Variants in NRG1 observed in about 807,000 individuals in gnomAD.
NRG1 encodes pro-neuregulin-1, membrane-bound isoform.
Under a neutral mutation model 63.8 loss-of-function variants are expected in NRG1, and 18 were observed. That is an observed-to-expected ratio of 0.28 (90% CI 0.19 to 0.42). The LOEUF is 0.42. Among genes scored for constraint, NRG1 ranks in the 10% least tolerant of loss-of-function variants. The pLI is 1.00. For synonymous variants in NRG1, 302 were observed against 301.3 expected, an observed-to-expected ratio of 1.00 and a Z score of -0.02; for missense variants, 762 against 814.7, an observed-to-expected ratio of 0.94 and a Z score of 0.79.
At chr8:32,474,409 C>A (rs934217842) in intron 1 of NRG1, among the ~76,000 whole-genome samples, 1 of 152,052 alleles carries the variant, frequency 6.6e-6, no homozygotes, top group Non-Finnish European at 1.5e-5. Flanking sequence ...TACAGGCATG[C>A]AGATATTTCC....
chr8:32,274,603 C>T (rs1221134797), intron 1 of NRG1, among the ~76,000 whole-genome samples: 2 of 152,156 alleles, frequency 1.3e-5, no homozygotes, highest in East Asian at 1.9e-4. Context: ...AATGATTCTG[C>T]CTGCTACATC....
chr8:32,411,926 T>A (rs1262704510), intron 1 of NRG1, among the ~76,000 whole-genome samples: 1 of 152,206 alleles, frequency 6.6e-6, no homozygotes, highest in Non-Finnish European at 1.5e-5. Flanking sequence ...CGTACTCTGA[T>A]AGTCAGTGTT....
intron 1 of NRG1, among the ~76,000 whole-genome samples, chr8:32,509,583 G>C (rs1342601719): frequency 1.3e-5 from 2 of 152,102 alleles, no homozygotes; most frequent in Non-Finnish European, 2.9e-5. Context: ...TAAAGGAGAG[G>C]GGGAAGAGTC....
chr8:32,088,055 C>T (rs111950538), intron 1 of NRG1, among the ~76,000 whole-genome samples: 16 of 152,244 alleles, frequency 1.1e-4, no homozygotes, highest in East Asian at 3.9e-4. Context: ...AGGTCCTGTG[C>T]GAATACCATC....
At chr8:32,685,902 AT>A (rs1215434248) in intron 5 of NRG1, among the ~76,000 whole-genome samples, 1 of 152,216 alleles carries the variant, frequency 6.6e-6, no homozygotes, top group Non-Finnish European at 1.5e-5. Flanking sequence ...CTACATGAGA[AT>A]TTGACCCTAT....
intron 5 of NRG1, among the ~76,000 whole-genome samples, chr8:32,669,948 G>T (rs2439318): frequency 0.68 from 104,102 of 152,034 alleles, 37,463 homozygotes; most frequent in East Asian, 1. Flanking sequence ...TTCTATCTCA[G>T]GGAATTATGT....
At chr8:32,745,246 ATTGT>A (rs761303695) in intron 7 of NRG1, among the ~76,000 whole-genome samples, 1 of 152,164 alleles carries the variant, frequency 6.6e-6, no homozygotes, top group Non-Finnish European at 1.5e-5. Flanking sequence ...TTAAAATTTA[ATTGT>A]TTGTAGTCTT....
At chr8:32,377,087 A>G (rs1809725699) in intron 1 of NRG1, among the ~76,000 whole-genome samples, 1 of 152,228 alleles carries the variant, frequency 6.6e-6, no homozygotes, top group Non-Finnish European at 1.5e-5. Context: ...ATAAAAGCCA[A>G]GGGCATAACA....
intron 1 of NRG1, among the ~76,000 whole-genome samples, chr8:32,114,726 A>G (rs1832475332): frequency 6.6e-6 from 1 of 152,222 alleles, no homozygotes; most frequent in Admixed American, 6.5e-5. Context: ...GCTATAGGTC[A>G]TGTGGATTTC....
intron 1 of NRG1, among the ~76,000 whole-genome samples, chr8:31,717,999 G>T (rs1037522956): frequency 6.6e-6 from 1 of 151,806 alleles, no homozygotes; most frequent in African/African-American, 2.4e-5. Flanking sequence ...ATTCTAGTTT[G>T]GTTAACATGT....
intron 1 of NRG1, among the ~76,000 whole-genome samples, chr8:31,771,378 T>C (rs891258473): frequency 2.6e-5 from 4 of 152,222 alleles, no homozygotes; most frequent in Non-Finnish European, 5.9e-5. Flanking sequence ...TTCATGTGTG[T>C]TGAAGGGCAT....
intron 1 of NRG1, among the ~76,000 whole-genome samples, chr8:32,145,991 T>C (rs1836828884): frequency 1.3e-5 from 2 of 152,190 alleles, no homozygotes; most frequent in Non-Finnish European, 2.9e-5. Flanking sequence ...CTCATGTTGG[T>C]TCTTCCAGAG....
chr8:31,922,281 A>G (rs553392734), intron 1 of NRG1, among the ~76,000 whole-genome samples: 1 of 152,142 alleles, frequency 6.6e-6, no homozygotes, highest in Non-Finnish European at 1.5e-5. Context: ...AGAGTCAGCA[A>G]ATCTGAGTGG....
At chr8:31,838,162 C>T (rs1825859597) in intron 1 of NRG1, among the ~76,000 whole-genome samples, 1 of 151,966 alleles carries the variant, frequency 6.6e-6, no homozygotes, top group South Asian at 2.1e-4. Flanking sequence ...GGAATTTATT[C>T]TAAAGATGTA....
intron 1 of NRG1, among the ~76,000 whole-genome samples, chr8:31,652,781 T>C (rs1804981612): frequency 1.3e-5 from 2 of 152,198 alleles, no homozygotes; most frequent in African/African-American, 4.8e-5. Context: ...CTTAGAGATA[T>C]GTTTATATTA....
intron 1 of NRG1, among the ~76,000 whole-genome samples, chr8:31,975,549 A>G (rs1286294617): frequency 6.6e-6 from 1 of 152,222 alleles, no homozygotes; most frequent in Non-Finnish European, 1.5e-5. Flanking sequence ...ACCACTGTGG[A>G]AAGGTGAACA....
intron 5 of NRG1, among the ~76,000 whole-genome samples, chr8:32,726,995 A>G (rs1197283118): frequency 6.6e-6 from 1 of 151,936 alleles, no homozygotes; most frequent in African/African-American, 2.4e-5. Flanking sequence ...TCCTGAAAAT[A>G]TCATTGATAA....
intron 5 of NRG1, among the ~76,000 whole-genome samples, chr8:32,655,509 C>G (rs949237465): frequency 2.6e-5 from 4 of 152,068 alleles, no homozygotes; most frequent in African/African-American, 9.7e-5. Context: ...CTTCTTTGCC[C>G]TTTCTATCAG....
intron 1 of NRG1, among the ~76,000 whole-genome samples, chr8:32,345,118 C>T (rs1480647534): frequency 2.6e-5 from 4 of 152,198 alleles, no homozygotes; most frequent in African/African-American, 9.6e-5. Context: ...TGATGCAGTT[C>T]TAGAGTCATC....
Sources: gnomAD v4.1 joint callset for allele counts (sites outside exome capture counted in the v4.1 genomes callset) on GRCh38, gnomAD v4.1.1 for gene constraint, MANE v1.5 for transcripts, NCBI Gene and HGNC (gene_info 2026-07-23, HGNC 2026-07-21) for gene names.